The following BEND7 variants were observed in gnomAD, a reference collection of about 807,000 sequenced individuals.
BEND7 encodes the protein BEN domain containing 7.
BEND7 carries 28 observed loss-of-function variants against 50.9 expected under a neutral mutation model. The observed-to-expected ratio is 0.55, with a 90% CI of 0.41 to 0.75. BEND7 has a LOEUF of 0.75. Ranked by LOEUF, BEND7 falls within the 30% of genes least tolerant of loss-of-function variation. BEND7 has a pLI of 0.00. For missense variants in BEND7, 477 were observed against 491.3 expected, an observed-to-expected ratio of 0.97 and a Z score of 0.28; for synonymous variants, 170 against 183.9, an observed-to-expected ratio of 0.92 and a Z score of 0.61.
chr10:13,523,935 T>C (rs1053327358), intron 2 of BEND7, among the ~76,000 whole-genome samples: 1 of 152,242 alleles, frequency 6.6e-6, no homozygotes, highest in South Asian at 2.1e-4. Context: ...ACTCCCAGGC[T>C]GTTCAATCTT....
At chr10:13,438,897 G>A, downstream of BEND7, 1 of 396,288 alleles carries the variant, frequency 2.5e-6, no homozygotes, top group Non-Finnish European at 4.6e-6. Context: ...TGTGATAAAG[G>A]CTCTGGGTTT....
intron 2 of BEND7, among the ~76,000 whole-genome samples, chr10:13,510,151 A>G (rs1407129424): frequency 2.0e-5 from 3 of 152,232 alleles, no homozygotes; most frequent in African/African-American, 7.2e-5. Flanking sequence ...GATGAATACT[A>G]ATGATGGAAA....
At position 13,450,172 on chromosome 10, in the gene BEND7, A is replaced by C. The variant is rs78154057; in HGVS notation, c.1183+2367T>G. Among the ~76,000 whole-genome samples the C allele has an allele frequency of 8.3e-3, 1,257 of 152,334 alleles. 9 individuals are homozygous for C. Among genetic ancestry groups the C allele is most frequent in the Non-Finnish European group, 0.013 (905 of 68,026 alleles). On this transcript the variant is annotated intron_variant, in intron 7 of 8. Coordinates refer to ENST00000466271, the MANE Select transcript of BEND7 (RefSeq NM_001369863.1). ...TTTGGATTTGCATAACGGCCTTTCA[A>C]ATCTGTGTGGGGCACTTCTTTTTTT...
chr10:13,477,292 A>G (rs1308612251), intron 6 of BEND7, among the ~76,000 whole-genome samples: 3 of 152,212 alleles, frequency 2.0e-5, no homozygotes, highest in African/African-American at 7.2e-5. Flanking sequence ...TTAATACACT[A>G]TTGGGACATT....
chr10:13,447,162 G>T, intron 8 of BEND7, 104 bp downstream of exon 8: 2 of 1,200,094 alleles, frequency 1.7e-6, no homozygotes, highest in Non-Finnish European at 2.5e-6. Context: ...GAAGCAGTTT[G>T]CTCAAGTGTC....
At chr10:13,524,084 G>A (rs1162933196) in intron 2 of BEND7, among the ~76,000 whole-genome samples, 1 of 152,172 alleles carries the variant, frequency 6.6e-6, no homozygotes, top group Non-Finnish European at 1.5e-5. Context: ...TATCATCTCT[G>A]GGAGTTTCCA....
intron 6 of BEND7, among the ~76,000 whole-genome samples, chr10:13,468,370 C>T (rs1205462087): frequency 6.6e-6 from 1 of 152,156 alleles, no homozygotes; most frequent in Non-Finnish European, 1.5e-5. Flanking sequence ...CTGTGGAGAA[C>T]AGCATAACAC....
Position 13,468,446 on chromosome 10 carries a change from G to A in BEND7, c.1063+12453C>T, listed in dbSNP as rs889606141. 7.2e-5 allele frequency among the ~76,000 whole-genome samples: 11 copies of A among 152,264 alleles called. No homozygotes were observed. The South Asian group carries it at 8.3e-4, about 11-fold the overall frequency. ...GCTGGCTCACCCGGGAGGAAGCACC[G>A]GGAAATATGTTCACAAGGAGAGAGA... On this transcript the variant is annotated intron_variant, in intron 6 of 8. Coordinates refer to ENST00000466271, the MANE Select transcript of BEND7 (RefSeq NM_001369863.1).
intron 6 of BEND7, among the ~76,000 whole-genome samples, chr10:13,466,715 T>C (rs1564281673): frequency 6.6e-6 from 1 of 152,204 alleles, no homozygotes; most frequent in Non-Finnish European, 1.5e-5. Context: ...CTTAGGCAAG[T>C]GGCATAAAAC....
At chr10:13,455,450 T>C (rs575784261) in intron 6 of BEND7, among the ~76,000 whole-genome samples, 3 of 151,942 alleles carry the variant, frequency 2.0e-5, no homozygotes, top group East Asian at 3.9e-4. Flanking sequence ...AAGGGGCGGC[T>C]TGGTGCCCTA....
At chr10:13,514,590 T>C (rs1382458928) in intron 2 of BEND7, among the ~76,000 whole-genome samples, 1 of 151,806 alleles carries the variant, frequency 6.6e-6, no homozygotes. Flanking sequence ...CCAGGGAAGT[T>C]GGGTCGGACG....
intron 5 of BEND7, among the ~76,000 whole-genome samples, chr10:13,490,047 T>G (rs952385994): frequency 6.6e-6 from 1 of 152,226 alleles, no homozygotes; most frequent in African/African-American, 2.4e-5. Flanking sequence ...AGTGTTTTTC[T>G]GCATCTGAGT....
At chr10:13,446,049 C>T (rs1371263326) in intron 8 of BEND7, 2 of 152,222 alleles carry the variant, frequency 1.3e-5, no homozygotes, top group African/African-American at 2.4e-5. Flanking sequence ...TCACGTATTT[C>T]AATTCTCTTA....
chr10:13,440,713 G>C (rs895362790), downstream of BEND7, among the ~76,000 whole-genome samples: 2 of 152,256 alleles, frequency 1.3e-5, no homozygotes, highest in Admixed American at 1.3e-4. Flanking sequence ...CTCAGCATCG[G>C]AGAAGATTGA....
intron 6 of BEND7, among the ~76,000 whole-genome samples, chr10:13,456,937 A>G (rs1261351779): frequency 6.6e-6 from 1 of 152,210 alleles, no homozygotes; most frequent in African/African-American, 2.4e-5. Flanking sequence ...CCACAAGAAC[A>G]TTTACTGATC....
intron 6 of BEND7, among the ~76,000 whole-genome samples, chr10:13,472,253 T>C (rs2074934691): frequency 1.3e-5 from 2 of 151,202 alleles, no homozygotes; most frequent in African/African-American, 2.4e-5. Context: ...GGGGCTGATA[T>C]CCATCATCGT....
chr10:13,528,447 C>G (rs1300424903), intron 1 of BEND7, 26 bp downstream of exon 1: 1 of 1,002,314 alleles, frequency 1.0e-6, no homozygotes, highest in African/African-American at 1.8e-5. Context: ...CCGCTGCCTG[C>G]CCCCGCCGCC....
intron 6 of BEND7, among the ~76,000 whole-genome samples, chr10:13,461,594 G>A (rs770274655): frequency 6.6e-6 from 1 of 152,160 alleles, no homozygotes; most frequent in East Asian, 1.9e-4. Flanking sequence ...TTAGCTGGGC[G>A]TGGTGGTGCA....
chr10:13,452,500 A>T, intron 7 of BEND7, 39 bp downstream of exon 7: 1 of 1,572,598 alleles, frequency 6.4e-7, no homozygotes, highest in Admixed American at 1.9e-5. Context: ...AAGAATTCAT[A>T]AGTGCTTCTC....
Sources: gnomAD v4.1 joint callset for allele counts (sites outside exome capture counted in the v4.1 genomes callset) on GRCh38, gnomAD v4.1.1 for gene constraint, MANE v1.5 for transcripts, NCBI Gene and HGNC (gene_info 2026-07-23, HGNC 2026-07-21) for gene names.